The following MARCHF3 variants were observed in gnomAD, a reference collection of about 807,000 sequenced individuals.
The protein encoded by MARCHF3 is E3 ubiquitin-protein ligase MARCHF3.
In MARCHF3, 13 loss-of-function variants were observed where a neutral mutation model predicts 24.2. That is an observed-to-expected ratio of 0.54 (90% CI 0.35 to 0.85). The LOEUF is 0.85. Ranked by LOEUF, MARCHF3 falls within the 40% of genes least tolerant of loss-of-function variation. MARCHF3 has a pLI of 0.01. For missense variants in MARCHF3, 276 were observed against 325.0 expected (o/e 0.85, Z 1.16); for synonymous variants, 144 against 137.3 (o/e 1.05, Z -0.34).
At chr5:127,011,438 C>T (rs79054036) in intron 1 of MARCHF3, among the ~76,000 whole-genome samples, 3,411 of 152,326 alleles carry the variant, frequency 0.022, 113 homozygotes, top group African/African-American at 0.078. Flanking sequence ...AAGGCTCTAT[C>T]TTGGTCTGAG....
intron 1 of MARCHF3, among the ~76,000 whole-genome samples, chr5:126,927,860 C>T (rs1308021575): frequency 6.6e-6 from 1 of 152,120 alleles, no homozygotes; most frequent in Non-Finnish European, 1.5e-5. Context: ...TACCCGGATT[C>T]AGCCTGTTTG....
intron 1 of MARCHF3, among the ~76,000 whole-genome samples, chr5:127,000,279 T>A (rs1157531366): frequency 1.6e-5 from 2 of 123,144 alleles, no homozygotes; most frequent in African/African-American, 2.9e-5. Context: ...AAATGCCTGT[T>A]CTCACACTCT....
chr5:127,029,748 G>C (rs1417966805), intron 1 of MARCHF3, among the ~76,000 whole-genome samples: 1 of 152,244 alleles, frequency 6.6e-6, no homozygotes, highest in African/African-American at 2.4e-5. Flanking sequence ...CTTGCGGGTG[G>C]ATGTGGAGGT....
intron 1 of MARCHF3, among the ~76,000 whole-genome samples, chr5:126,987,941 T>G (rs892748265): frequency 1.3e-5 from 2 of 150,140 alleles, no homozygotes; most frequent in Admixed American, 6.6e-5. Flanking sequence ...TGCCTGGATA[T>G]AGTAGATAAC....
intron 3 of MARCHF3, among the ~76,000 whole-genome samples, 170 bp from the exon 4 acceptor site, chr5:126,878,564 C>T (rs2126767765): frequency 6.6e-6 from 1 of 152,226 alleles, no homozygotes; most frequent in African/African-American, 2.4e-5. Flanking sequence ...CATGCTCCAC[C>T]CCCTGAATAA....
chr5:126,899,935 CA>C (rs1244721556), intron 3 of MARCHF3, among the ~76,000 whole-genome samples: 1 of 152,014 alleles, frequency 6.6e-6, no homozygotes, highest in Non-Finnish European at 1.5e-5. Flanking sequence ...CACCAAAGCT[CA>C]TGCCTTACAT....
Position 126,971,267 on chromosome 5 carries a change from G to A in MARCHF3, c.-56-53040C>T, listed in dbSNP as rs1750998823. Reference sequence around the variant, plus strand: ...GATCAAGACCATCCTGGCTAGCATGGTGAAACCCTGTCTCTACTAAAAATA... The same window carrying A: ...GATCAAGACCATCCTGGCTAGCATGATGAAACCCTGTCTCTACTAAAAATA... On this transcript the variant is annotated intron_variant, in intron 1 of 4. Transcript: ENST00000308660. Among the ~76,000 whole-genome samples the A allele has an allele frequency of 2.6e-5, 4 of 151,774 alleles. No homozygotes were observed. The South Asian group carries it at 8.3e-4, about 32-fold the overall frequency.
At chr5:126,967,636 CG>C (rs1186661525) in intron 1 of MARCHF3, among the ~76,000 whole-genome samples, 1 of 151,942 alleles carries the variant, frequency 6.6e-6, no homozygotes, top group East Asian at 1.9e-4. Context: ...GAGGTTGCAG[CG>C]AGCCGAGATC....
Position 127,005,999 on chromosome 5 carries a change from C to G in MARCHF3, c.-57+24351G>C, listed in dbSNP as rs1304338564. On this transcript the variant is annotated intron_variant, in intron 1 of 4. Coordinates refer to ENST00000308660, the MANE Select transcript of MARCHF3 (RefSeq NM_178450.5). ...GGCGGATCACTTGAGGTCAGGAGTT[C>G]AAGACCAGCCTGGCCAACATGGTGA... Among the ~76,000 whole-genome samples the G allele has an allele frequency of 2.0e-5, 3 of 151,910 alleles. No individual in the cohort carries two copies. In the East Asian group the frequency reaches 5.8e-4, roughly 29 times the overall value.
chr5:126,892,857 A>G (rs1250423840), intron 3 of MARCHF3, among the ~76,000 whole-genome samples: 1 of 151,396 alleles, frequency 6.6e-6, no homozygotes, highest in Non-Finnish European at 1.5e-5. Flanking sequence ...TAGTTTCAGA[A>G]GGAATGGTAC....
chr5:126,923,144 G>A (rs1047327964), intron 1 of MARCHF3, among the ~76,000 whole-genome samples: 3 of 151,962 alleles, frequency 2.0e-5, no homozygotes, highest in Admixed American at 1.3e-4. Context: ...ATGTACCCCC[G>A]AACTTAAAAT....
intron 3 of MARCHF3, among the ~76,000 whole-genome samples, chr5:126,889,729 A>T (rs994363659): frequency 6.6e-6 from 1 of 152,210 alleles, no homozygotes; most frequent in Non-Finnish European, 1.5e-5. Flanking sequence ...GACTTGGCTG[A>T]CATTAGATAC....
At chr5:126,971,891 T>G (rs915897146) in intron 1 of MARCHF3, among the ~76,000 whole-genome samples, 2 of 152,180 alleles carry the variant, frequency 1.3e-5, no homozygotes, top group African/African-American at 2.4e-5. Flanking sequence ...TAAATTACCA[T>G]ATGATTCTTA....
At chr5:126,907,952 C>A (rs1438863743) in intron 3 of MARCHF3, among the ~76,000 whole-genome samples, 2 of 152,042 alleles carry the variant, frequency 1.3e-5, no homozygotes, top group Admixed American at 6.6e-5. Context: ...TTTGCAGCGG[C>A]TGGTACCGGT....
chr5:126,989,918 G>A (rs562799492), intron 1 of MARCHF3, among the ~76,000 whole-genome samples: 48 of 152,242 alleles, frequency 3.2e-4, no homozygotes, highest in African/African-American at 1.0e-3. Flanking sequence ...GAAGTCAGGA[G>A]TTTGAGACCA....
chr5:126,959,615 C>T (rs1750571214), intron 1 of MARCHF3, among the ~76,000 whole-genome samples: 1 of 151,996 alleles, frequency 6.6e-6, no homozygotes, highest in Non-Finnish European at 1.5e-5. Context: ...ACAAATATAC[C>T]ACACTAATGT....
At chr5:127,018,042 G>A (rs1009972547) in intron 1 of MARCHF3, among the ~76,000 whole-genome samples, 6 of 152,124 alleles carry the variant, frequency 3.9e-5, no homozygotes, top group African/African-American at 9.7e-5. Flanking sequence ...AGTAGGGGAG[G>A]CAGATAAAAA....
intron 1 of MARCHF3, among the ~76,000 whole-genome samples, chr5:126,966,869 T>G (rs1750827997): frequency 2.7e-5 from 4 of 148,078 alleles, no homozygotes; most frequent in African/African-American, 1.0e-4. Flanking sequence ...TTGTATTTGC[T>G]TCTTTTCTGT....
intron 1 of MARCHF3, among the ~76,000 whole-genome samples, chr5:126,990,461 C>G (rs187593704): frequency 6.6e-6 from 1 of 152,190 alleles, no homozygotes; most frequent in East Asian, 1.9e-4. Context: ...AAAACCTAGG[C>G]AATACCATTC....
Sources: allele counts gnomAD v4.1 joint callset (sites outside exome capture counted in the v4.1 genomes callset), GRCh38; gene constraint gnomAD v4.1.1; transcripts MANE v1.5; gene names NCBI Gene and HGNC (gene_info 2026-07-23, HGNC 2026-07-21).